Variants in SENP7 observed in about 807,000 individuals in gnomAD.
SENP7 encodes sentrin-specific protease 7.
SENP7 carries 64 observed loss-of-function variants against 141.2 expected under a neutral mutation model. That is an observed-to-expected ratio of 0.45 (90% confidence interval 0.37 to 0.56). The LOEUF is 0.56. SENP7 is among the 20% of genes least tolerant of loss of function. SENP7 has a pLI of 0.00. For missense variants in SENP7, 1,025 were observed against 1,212.2 expected (o/e 0.85, Z 2.29); for synonymous variants, 382 against 426.4 (o/e 0.90, Z 1.28).
At chr3:101,327,602 C>A (rs940931139) in intron 23 of SENP7, 64 bp downstream of exon 23, 1 of 1,277,040 alleles carries the variant, frequency 7.8e-7, no homozygotes, top group East Asian at 2.5e-5. Flanking sequence ...GACTATTACA[C>A]CCAGTAACTT....
At chr3:101,421,847 A>C (rs2061799912) in intron 4 of SENP7, among the ~76,000 whole-genome samples, 1 of 152,244 alleles carries the variant, frequency 6.6e-6, no homozygotes, top group South Asian at 2.1e-4. Flanking sequence ...GTAAAGAACA[A>C]CATTCAAACC....
At chr3:101,352,688 T>C (rs2059643152) in intron 11 of SENP7, among the ~76,000 whole-genome samples, 1 of 152,010 alleles carries the variant, frequency 6.6e-6, no homozygotes. Context: ...TTGTTGTTGT[T>C]GTTCAATACA....
chr3:101,473,688 T>C (rs761510447), intron 3 of SENP7, among the ~76,000 whole-genome samples: 1 of 152,222 alleles, frequency 6.6e-6, no homozygotes, highest in Non-Finnish European at 1.5e-5. Flanking sequence ...GTACACTGTC[T>C]GTTTACTCTG....
intron 4 of SENP7, among the ~76,000 whole-genome samples, chr3:101,426,874 G>A (rs1337821466): frequency 3.3e-5 from 5 of 152,074 alleles, no homozygotes; most frequent in Non-Finnish European, 7.3e-5. Context: ...ACTAAATATG[G>A]AAAGGAAACA....
chr3:101,410,845 A>AAAAATAAAATAAAATAAAAT (rs139753697), intron 5 of SENP7, among the ~76,000 whole-genome samples: 18,212 of 125,976 alleles, frequency 0.14, 1,729 homozygotes, highest in East Asian at 0.19. Flanking sequence ...ATTCTGTCTC[A>AAAAATAAAATAAAATAAAAT]AAAATAAAAT....
intron 4 of SENP7, among the ~76,000 whole-genome samples, chr3:101,454,523 GAAAAAGA>G (rs1160288179): frequency 1.3e-5 from 2 of 151,612 alleles, no homozygotes; most frequent in Non-Finnish European, 2.9e-5. Context: ...AAGAAAAAAA[GAAAAAGA>G]AAAAAGAAAA....
chr3:101,361,641 GA>G (rs756503994), intron 11 of SENP7, 73 bp downstream of exon 11: 89 of 1,387,636 alleles, frequency 6.4e-5, no homozygotes, highest in Non-Finnish European at 7.8e-5. Flanking sequence ...TTTGTGCTAA[GA>G]AAAAAAAGGA....
intron 1 of SENP7, among the ~76,000 whole-genome samples, chr3:101,503,581 A>C (rs913110281): frequency 2.0e-5 from 3 of 152,250 alleles, no homozygotes; most frequent in Non-Finnish European, 2.9e-5. Flanking sequence ...AACCAGATGC[A>C]GAAGAGTATA....
At chr3:101,420,800 G>A (rs1392725939) in intron 4 of SENP7, among the ~76,000 whole-genome samples, 1 of 152,138 alleles carries the variant, frequency 6.6e-6, no homozygotes, top group Non-Finnish European at 1.5e-5. Flanking sequence ...AATATAGACT[G>A]TGAGGCATTC....
intron 15 of SENP7, among the ~76,000 whole-genome samples, chr3:101,341,444 C>T (rs1374397841): frequency 2.0e-5 from 3 of 152,062 alleles, no homozygotes; most frequent in African/African-American, 4.8e-5. Flanking sequence ...GTCTTACTGA[C>T]ATAAAAGTAA....
intron 4 of SENP7, among the ~76,000 whole-genome samples, chr3:101,434,653 T>C (rs1318047748): frequency 1.3e-5 from 2 of 152,084 alleles, no homozygotes; most frequent in African/African-American, 4.8e-5. Context: ...TATATGCCAA[T>C]AAATTGGAAA....
chr3:101,477,890 A>C (rs2064286261), intron 3 of SENP7, among the ~76,000 whole-genome samples: 2 of 151,964 alleles, frequency 1.3e-5, no homozygotes, highest in Non-Finnish European at 2.9e-5. Context: ...AATAAACATC[A>C]GAGCAAAACT....
chr3:101,453,191 G>A (rs1416581832), intron 4 of SENP7, among the ~76,000 whole-genome samples: 2 of 152,174 alleles, frequency 1.3e-5, no homozygotes, highest in Non-Finnish European at 2.9e-5. Context: ...AGTTAGAATG[G>A]CAATCATTAA....
intron 4 of SENP7, chr3:101,457,143 A>G: frequency 1.2e-6 from 1 of 825,108 alleles, no homozygotes. Context: ...TCTAGATTTT[A>G]TCAGATCCAT....
At chr3:101,352,209 A>G (rs989208219) in intron 11 of SENP7, among the ~76,000 whole-genome samples, 3 of 152,046 alleles carry the variant, frequency 2.0e-5, no homozygotes, top group Non-Finnish European at 2.9e-5. Flanking sequence ...ACTACCAATT[A>G]TAATTTTAAA....
intron 4 of SENP7, among the ~76,000 whole-genome samples, chr3:101,442,370 G>A (rs2062710777): frequency 6.6e-6 from 1 of 152,148 alleles, no homozygotes; most frequent in Non-Finnish European, 1.5e-5. Context: ...ATATCATCAG[G>A]CATGAGATTC....
chr3:101,512,819 A>G (rs893250386), intron 1 of SENP7, among the ~76,000 whole-genome samples: 2 of 152,206 alleles, frequency 1.3e-5, no homozygotes, highest in African/African-American at 4.8e-5. Flanking sequence ...CCATGGGCCG[A>G]TGAGACGCAA....
At chr3:101,392,106 A>C (rs2107547569) in intron 6 of SENP7, among the ~76,000 whole-genome samples, 1 of 152,320 alleles carries the variant, frequency 6.6e-6, no homozygotes, top group East Asian at 1.9e-4. Context: ...ATCCACAGCC[A>C]AATTATACTG....
intron 11 of SENP7, chr3:101,358,004 A>G: frequency 1.6e-6 from 1 of 620,264 alleles, no homozygotes. Context: ...TATTGGAGAG[A>G]AACCATACAA....
Sources: allele counts gnomAD v4.1 joint callset (sites outside exome capture counted in the v4.1 genomes callset), GRCh38; gene constraint gnomAD v4.1.1; transcripts MANE v1.5; gene names NCBI Gene and HGNC (gene_info 2026-07-23, HGNC 2026-07-21).